The following WIPF3 variants were observed in gnomAD, a reference collection of about 807,000 sequenced individuals.
WIPF3 encodes WAS/WASL-interacting protein family member 3.
A neutral mutation model predicts 38.9 loss-of-function variants in WIPF3; 33 were observed. That is an observed-to-expected ratio of 0.85 (90% CI 0.64 to 1.14). The LOEUF is 1.14. Among genes scored for constraint, WIPF3 ranks in the 50% most tolerant of loss-of-function variants. WIPF3 has a pLI of 0.00. For synonymous variants in WIPF3, 324 were observed against 269.3 expected, an observed-to-expected ratio of 1.20 and a Z score of -1.99; for missense variants, 711 against 652.5, an observed-to-expected ratio of 1.09 and a Z score of -0.98.
chr7:29,819,741 TAA>T (rs1211831658), intron 1 of WIPF3, among the ~76,000 whole-genome samples: 3 of 152,046 alleles, frequency 2.0e-5, no homozygotes, highest in African/African-American at 7.2e-5. Flanking sequence ...CAGTACACAT[TAA>T]GTTTGGTTTT....
At chr7:29,897,605 C>T (rs865824811) in intron 7 of WIPF3, among the ~76,000 whole-genome samples, 25 of 152,258 alleles carry the variant, frequency 1.6e-4, no homozygotes, top group Admixed American at 1.2e-3. Context: ...AGTAAAAACA[C>T]GCACCGTTAT....
Position 29,914,474 on chromosome 7 carries a change from T to C in WIPF3, c.1429-19T>C, listed in dbSNP as rs1163486563. Reference sequence around the variant, plus strand: ...AGTCTTCTAACTCCACCTGGTAATGTTCTGTTATGTTTCCACAGTTATCTC... The same window carrying C: ...AGTCTTCTAACTCCACCTGGTAATGCTCTGTTATGTTTCCACAGTTATCTC... On this transcript the variant is annotated intron_variant, in intron 8 of 8. Transcript: ENST00000242140. The C allele has an allele frequency of 4.0e-6, 6 of 1,512,546 alleles. No individual in the cohort carries two copies. The highest frequency in any genetic ancestry group is 5.3e-6 in the Non-Finnish European group (6 of 1,128,322). 93.7% of individuals were successfully genotyped at this position (1,512,546 alleles called of 1,614,324 possible). A position where few individuals can be genotyped will look rare whatever the true frequency, so the allele number is the denominator to read the frequency against.
intron 1 of WIPF3, among the ~76,000 whole-genome samples, chr7:29,830,535 G>T (rs1038631099): frequency 6.6e-6 from 1 of 150,840 alleles, no homozygotes; most frequent in East Asian, 2.0e-4. Context: ...TGGGAGGATC[G>T]CTTGAACCCA....
intron 7 of WIPF3, among the ~76,000 whole-genome samples, chr7:29,899,688 C>T (rs1000253000): frequency 2.0e-5 from 3 of 152,172 alleles, no homozygotes; most frequent in African/African-American, 7.2e-5. Flanking sequence ...CGCTATGTAA[C>T]CATTACAAAA....
intron 8 of WIPF3, among the ~76,000 whole-genome samples, chr7:29,908,311 C>T (rs377155637): frequency 3.7e-4 from 57 of 152,286 alleles, no homozygotes; most frequent in Admixed American, 4.6e-4. Flanking sequence ...ATAACAATTA[C>T]AGATATTAGT....
At chr7:29,836,524 T>A (rs553899895) in intron 2 of WIPF3, among the ~76,000 whole-genome samples, 1 of 152,350 alleles carries the variant, frequency 6.6e-6, no homozygotes, top group Admixed American at 6.5e-5. Context: ...TTTTTGAGAC[T>A]GATTTAAGAA....
intron 7 of WIPF3, among the ~76,000 whole-genome samples, chr7:29,902,847 A>C (rs569750022): frequency 7.7e-6 from 1 of 129,400 alleles, no homozygotes; most frequent in South Asian, 3.2e-4. Flanking sequence ...ACAAACAAAC[A>C]AAAAAGAGCG....
At chr7:29,858,586 C>T (rs117576929) in intron 2 of WIPF3, among the ~76,000 whole-genome samples, 2,674 of 152,330 alleles carry the variant, frequency 0.018, 44 homozygotes, top group Non-Finnish European at 0.026. Flanking sequence ...AAGCAAAATT[C>T]TCTGCCTATC....
At chr7:29,851,689 C>T (rs143406223) in intron 2 of WIPF3, among the ~76,000 whole-genome samples, 1 of 152,346 alleles carries the variant, frequency 6.6e-6, no homozygotes, top group Non-Finnish European at 1.5e-5. Flanking sequence ...ATGGTGAGGG[C>T]TATTGGCAAG....
intron 4 of WIPF3, among the ~76,000 whole-genome samples, chr7:29,881,937 C>T (rs1172503875): frequency 6.6e-6 from 1 of 152,186 alleles, no homozygotes; most frequent in Admixed American, 6.5e-5. Context: ...CAGCCTCCTC[C>T]CTTACTTCCT....
At position 29,914,689 on chromosome 7, in the gene WIPF3, T is replaced by A. The variant is rs2128082700; in HGVS notation, c.*173T>A. The stretch of plus-strand genomic sequence containing the variant: ...TTTAAAGCAGTATTTTAATTGACTT[T>A]TATTTCGGTAATATTTTTTAAAACA... On this transcript the variant is annotated 3_prime_UTR_variant, in exon 9 of 9. Coordinates refer to ENST00000242140, the MANE Select transcript of WIPF3 (RefSeq NM_001080529.3). 1 of 447,336 alleles carries A rather than the reference T, an allele frequency of 2.2e-6. No homozygotes were observed. The highest frequency in any genetic ancestry group is 2.0e-5 in the African/African-American group (1 of 49,004). The allele number at this position is 447,336 out of a possible 1,614,324, so 27.7% of individuals were successfully genotyped here.
At chr7:29,894,317 G>A (rs1786088010) in intron 7 of WIPF3, among the ~76,000 whole-genome samples, 1 of 152,132 alleles carries the variant, frequency 6.6e-6, no homozygotes, top group African/African-American at 2.4e-5. Context: ...GGTGCAATTG[G>A]CAGTCTGTGC....
chr7:29,911,703 A>G (rs538907720), intron 8 of WIPF3, among the ~76,000 whole-genome samples: 2 of 152,304 alleles, frequency 1.3e-5, no homozygotes, highest in Admixed American at 1.3e-4. Context: ...TTTTCAACAA[A>G]TGATGCTAGG....
At chr7:29,899,322 A>G (rs1453726329) in intron 7 of WIPF3, among the ~76,000 whole-genome samples, 1 of 152,234 alleles carries the variant, frequency 6.6e-6, no homozygotes, top group Non-Finnish European at 1.5e-5. Context: ...ACTACCCTGT[A>G]TAAGACAGAA....
At chr7:29,901,410 T>C (rs908413488) in intron 7 of WIPF3, among the ~76,000 whole-genome samples, 2 of 119,434 alleles carry the variant, frequency 1.7e-5, no homozygotes, top group African/African-American at 3.4e-5. Flanking sequence ...TTTTTTTTTT[T>C]ACAAGACAGA....
At chr7:29,875,778 T>C in intron 2 of WIPF3, 52 bp from the exon 3 acceptor site, 1 of 1,590,874 alleles carries the variant, frequency 6.3e-7, no homozygotes, top group East Asian at 2.3e-5. Context: ...GACAGGACAT[T>C]TTGCTTATCT....
At chr7:29,912,803 G>A (rs374402174) in intron 8 of WIPF3, among the ~76,000 whole-genome samples, 1 of 152,192 alleles carries the variant, frequency 6.6e-6, no homozygotes, top group African/African-American at 2.4e-5. Context: ...ATTATTCTAA[G>A]TGAAATAAGC....
At chr7:29,826,175 C>T (rs1170699495) in intron 1 of WIPF3, among the ~76,000 whole-genome samples, 1 of 152,132 alleles carries the variant, frequency 6.6e-6, no homozygotes, top group Non-Finnish European at 1.5e-5. Flanking sequence ...GTTCTTCAAA[C>T]TTTAGCGAGC....
intron 5 of WIPF3, among the ~76,000 whole-genome samples, 183 bp from the exon 6 acceptor site, chr7:29,887,885 T>C (rs932267087): frequency 6.6e-6 from 1 of 152,232 alleles, no homozygotes; most frequent in African/African-American, 2.4e-5. Context: ...ACAAAGAGGC[T>C]ATGCTACTTA....
Sources: gnomAD v4.1 joint callset for allele counts (sites outside exome capture counted in the v4.1 genomes callset) on GRCh38, gnomAD v4.1.1 for gene constraint, MANE v1.5 for transcripts, NCBI Gene and HGNC (gene_info 2026-07-23, HGNC 2026-07-21) for gene names.